CSMD1: variants seen among roughly 807,000 people sequenced by gnomAD.
CSMD1 encodes CUB and sushi domain-containing protein 1.
CSMD1 carries 213 observed loss-of-function variants against 417.5 expected under a neutral mutation model. The observed-to-expected ratio is 0.51, with a 90% CI of 0.46 to 0.57. CSMD1 has a LOEUF of 0.57. CSMD1 is among the 20% of genes least tolerant of loss of function. The pLI, the probability that CSMD1 is intolerant of heterozygous loss-of-function variation, is 0.00. For synonymous variants in CSMD1, 2,862 were observed against 1,736.8 expected (o/e 1.65, Z -16.11); for missense variants, 6,923 against 4,529.7 (o/e 1.53, Z -15.17).
intron 1 of CSMD1, among the ~76,000 whole-genome samples, chr8:4,744,460 G>C (rs149356652): frequency 6.6e-6 from 1 of 152,198 alleles, no homozygotes; most frequent in African/African-American, 2.4e-5. Context: ...GTCCCAAAAT[G>C]CTCTCCATAA....
At chr8:4,463,766 G>A (rs780224034) in intron 2 of CSMD1, among the ~76,000 whole-genome samples, 6 of 152,184 alleles carry the variant, frequency 3.9e-5, no homozygotes, top group South Asian at 4.1e-4. Flanking sequence ...ATAGTGAGTG[G>A]GTACTAATGG....
At chr8:4,762,120 T>A (rs1018312383) in intron 1 of CSMD1, among the ~76,000 whole-genome samples, 2 of 152,046 alleles carry the variant, frequency 1.3e-5, no homozygotes, top group African/African-American at 4.8e-5. Flanking sequence ...TATAAAATAA[T>A]GGAACTGAAA....
chr8:3,580,488 C>A (rs538913155), intron 9 of CSMD1, among the ~76,000 whole-genome samples: 1 of 152,180 alleles, frequency 6.6e-6, no homozygotes, highest in South Asian at 2.1e-4. Context: ...TAAATAGCAC[C>A]AACTTAAGGT....
At chr8:3,798,196 T>C (rs1311525202) in intron 5 of CSMD1, among the ~76,000 whole-genome samples, 3 of 152,088 alleles carry the variant, frequency 2.0e-5, no homozygotes, top group African/African-American at 4.8e-5. Context: ...CATTTTCCGC[T>C]ACAGAGTTCA....
intron 3 of CSMD1, among the ~76,000 whole-genome samples, chr8:4,114,144 G>T (rs62501349): frequency 2.6e-5 from 4 of 152,254 alleles, no homozygotes; most frequent in African/African-American, 9.6e-5. Context: ...GTAAGTCAAT[G>T]CTTGGCTTAA....
chr8:3,764,687 T>C (rs1053547170), intron 5 of CSMD1, among the ~76,000 whole-genome samples: 1 of 151,784 alleles, frequency 6.6e-6, no homozygotes, highest in Non-Finnish European at 1.5e-5. Flanking sequence ...AGAGCAGTAA[T>C]CACCTGAAAA....
intron 3 of CSMD1, among the ~76,000 whole-genome samples, chr8:4,311,540 C>A (rs6995773): frequency 7.2e-5 from 11 of 151,734 alleles, no homozygotes; most frequent in East Asian, 1.9e-4. Flanking sequence ...CTGACCAATA[C>A]GGTGAAACCC....
intron 2 of CSMD1, among the ~76,000 whole-genome samples, chr8:4,532,823 C>A (rs552689678): frequency 6.6e-6 from 1 of 150,972 alleles, no homozygotes; most frequent in East Asian, 2.0e-4. Context: ...ATCCTGCACC[C>A]GCATTCAGTC....
Position 3,843,306 on chromosome 8 carries a change from A to T in CSMD1, c.819-89264T>A, listed in dbSNP as rs184339080. ...GTTAATGAGTTTATCTTTTTATACT[A>T]ATCTTTACCTCATTGAACGAAATCG... On this transcript the variant is annotated intron_variant, in intron 5 of 69. Transcript: ENST00000635120. 1.7e-3 allele frequency among the ~76,000 whole-genome samples: 254 copies of T among 152,300 alleles called. 1 individual carries two copies. Among genetic ancestry groups the T allele is most frequent in the African/African-American group, 5.9e-3 (244 of 41,564 alleles).
intron 3 of CSMD1, among the ~76,000 whole-genome samples, chr8:4,310,557 G>A (rs987007011): frequency 6.6e-6 from 1 of 152,020 alleles, no homozygotes; most frequent in Non-Finnish European, 1.5e-5. Flanking sequence ...CTCAATACTT[G>A]TATGACATTT....
At chr8:4,316,954 C>T (rs1157346299) in intron 3 of CSMD1, among the ~76,000 whole-genome samples, 2 of 149,066 alleles carry the variant, frequency 1.3e-5, no homozygotes, top group African/African-American at 2.5e-5. Flanking sequence ...ATGTCAGATT[C>T]ATACGAAAAC....
At chr8:4,348,827 T>C (rs1354554079) in intron 3 of CSMD1, among the ~76,000 whole-genome samples, 3 of 152,180 alleles carry the variant, frequency 2.0e-5, no homozygotes, top group Non-Finnish European at 4.4e-5. Context: ...CCCAGTTAAA[T>C]CAATAAGCTT....
At chr8:3,256,581 A>T (rs776593718) in intron 26 of CSMD1, among the ~76,000 whole-genome samples, 1 of 152,222 alleles carries the variant, frequency 6.6e-6, no homozygotes, top group Non-Finnish European at 1.5e-5. Flanking sequence ...GTCTCCTGAC[A>T]AATGAACCAA....
intron 1 of CSMD1, among the ~76,000 whole-genome samples, chr8:4,819,717 A>G (rs997047379): frequency 6.6e-6 from 1 of 152,148 alleles, no homozygotes; most frequent in African/African-American, 2.4e-5. Context: ...GTTCTTACAG[A>G]TAAAACCATT....
At chr8:3,326,277 T>A (rs895163103) in intron 23 of CSMD1, among the ~76,000 whole-genome samples, 44 of 152,226 alleles carry the variant, frequency 2.9e-4, no homozygotes, top group African/African-American at 1.1e-3. Context: ...TACCTCTGAT[T>A]TGCTTTTTGA....
intron 3 of CSMD1, among the ~76,000 whole-genome samples, chr8:4,137,875 A>C (rs1428400027): frequency 2.7e-5 from 4 of 150,820 alleles, no homozygotes; most frequent in African/African-American, 9.8e-5. Flanking sequence ...TATTTTTTTT[A>C]ATTAATTTAT....
At chr8:3,207,071 G>C (rs1797335339) in intron 30 of CSMD1, among the ~76,000 whole-genome samples, 1 of 150,926 alleles carries the variant, frequency 6.6e-6, no homozygotes, top group African/African-American at 2.4e-5. Context: ...TTCAGAATTA[G>C]CTTCAGTATT....
At chr8:4,027,933 A>G in intron 4 of CSMD1, among the ~76,000 whole-genome samples, 1 of 152,202 alleles carries the variant, frequency 6.6e-6, no homozygotes, top group Non-Finnish European at 1.5e-5. Context: ...AAATAATGGT[A>G]GAAATAAGGA....
At chr8:3,778,317 A>C (rs1027757755) in intron 5 of CSMD1, among the ~76,000 whole-genome samples, 3 of 152,104 alleles carry the variant, frequency 2.0e-5, no homozygotes, top group Non-Finnish European at 4.4e-5. Context: ...CTCCTGTTAC[A>C]TTTTCCCCAA....
Sources: gnomAD v4.1 joint callset for allele counts (sites outside exome capture counted in the v4.1 genomes callset) on GRCh38, gnomAD v4.1.1 for gene constraint, MANE v1.5 for transcripts, NCBI Gene and HGNC (gene_info 2026-07-23, HGNC 2026-07-21) for gene names.